DPP6: variants seen among roughly 807,000 people sequenced by gnomAD.
DPP6 encodes the protein dipeptidyl peptidase like 6, also known as A-type potassium channel modulatory protein DPP6.
Under a neutral mutation model 122.6 loss-of-function variants are expected in DPP6, and 69 were observed. The ratio of observed to expected loss-of-function variants is 0.56; its 90% CI spans 0.46 to 0.69. The LOEUF (loss-of-function observed/expected upper bound fraction) is 0.69. DPP6 is among the 30% of genes least tolerant of loss of function. The pLI, the probability that DPP6 is intolerant of heterozygous loss-of-function variation, is 0.00. For synonymous variants in DPP6, 418 were observed against 433.1 expected, an observed-to-expected ratio of 0.97 and a Z score of 0.43; for missense variants, 928 against 1,116.9, an observed-to-expected ratio of 0.83 and a Z score of 2.41.
chr7:154,089,318 C>T (rs1299921592), intron 1 of DPP6, among the ~76,000 whole-genome samples: 1 of 146,962 alleles, frequency 6.8e-6, no homozygotes, highest in Non-Finnish European at 1.5e-5. Flanking sequence ...CAATTATTGC[C>T]AATGCTAGGG....
chr7:154,409,602 G>T (rs141551888), intron 1 of DPP6, among the ~76,000 whole-genome samples: 1 of 152,152 alleles, frequency 6.6e-6, no homozygotes, highest in East Asian at 1.9e-4. Flanking sequence ...CTCTCATGTT[G>T]GTTCCTCTGT....
chr7:154,325,220 A>AC (rs1254301895), intron 1 of DPP6, among the ~76,000 whole-genome samples: 1 of 151,682 alleles, frequency 6.6e-6, no homozygotes, highest in African/African-American at 2.4e-5. Context: ...AGGTGCCCAG[A>AC]CCCCCAATGG....
the DPP6 span, among the ~76,000 whole-genome samples, chr7:153,752,040 C>A: frequency 6.6e-6 from 1 of 152,114 alleles, no homozygotes; most frequent in African/African-American, 2.4e-5. Context: ...TGCTTAACCT[C>A]CATGCCTAAG....
chr7:153,911,429 C>T (rs1800088625), intron 1 of DPP6, among the ~76,000 whole-genome samples: 1 of 152,188 alleles, frequency 6.6e-6, no homozygotes, highest in Admixed American at 6.5e-5. Context: ...GTAGGCTTCA[C>T]TCTCAGGGAT....
Position 154,095,686 on chromosome 7 carries a change from G to A in DPP6, c.243+42623G>A, listed in dbSNP as rs1369130541. ...AAGAAGTCTTCACAAGGTCTTTTCC[G>A]GTGTTCTGCTTTTTCCTGGGAGGCG... is the stretch of plus-strand genomic sequence containing the variant. On this transcript the variant is annotated intron_variant, in intron 1 of 25. Transcript: ENST00000377770. The A allele has an allele frequency of 5.3e-5, 6 of 113,108 alleles. 1 individual carries two copies. Among genetic ancestry groups the A allele is most frequent in the Non-Finnish European group, 1.2e-4 (6 of 51,780 alleles). The allele number at this position is 113,108 out of a possible 1,614,324, so 7.0% of individuals were successfully genotyped here. A position where few individuals can be genotyped will look rare whatever the true frequency, so the allele number is the denominator to read the frequency against.
At chr7:154,751,837 G>A (rs577162457) in intron 8 of DPP6, among the ~76,000 whole-genome samples, 10 of 152,160 alleles carry the variant, frequency 6.6e-5, no homozygotes, top group South Asian at 2.1e-4. Context: ...CTGCATGGCC[G>A]GTGGGGGGTC....
chr7:154,871,549 A>T (rs1168169446), intron 18 of DPP6, among the ~76,000 whole-genome samples: 1 of 152,224 alleles, frequency 6.6e-6, no homozygotes, highest in Non-Finnish European at 1.5e-5. Context: ...GTTTTCAGCC[A>T]GTCAGAACAT....
At chr7:154,785,428 C>T (rs963914780) in intron 10 of DPP6, among the ~76,000 whole-genome samples, 1 of 152,196 alleles carries the variant, frequency 6.6e-6, no homozygotes, top group Non-Finnish European at 1.5e-5. Context: ...ATTCGGAACA[C>T]TTACCTTCCT....
the DPP6 span, among the ~76,000 whole-genome samples, chr7:153,761,653 A>C: frequency 6.6e-6 from 1 of 152,196 alleles, no homozygotes; most frequent in Admixed American, 6.5e-5. Flanking sequence ...AAAGCTAATA[A>C]AATCAAGAAA....
intron 1 of DPP6, among the ~76,000 whole-genome samples, chr7:154,055,067 A>C (rs1055781485): frequency 1.3e-5 from 2 of 148,148 alleles, no homozygotes; most frequent in African/African-American, 2.5e-5. Flanking sequence ...AGCATCTCTA[A>C]CTTAGATGTA....
chr7:153,801,511 C>G, the DPP6 span, among the ~76,000 whole-genome samples: 1 of 152,094 alleles, frequency 6.6e-6, no homozygotes, highest in Non-Finnish European at 1.5e-5. Context: ...CAGCTGTGCA[C>G]TGCACAAGAG....
chr7:154,880,037 T>C (rs528181753), intron 20 of DPP6, among the ~76,000 whole-genome samples: 1 of 152,386 alleles, frequency 6.6e-6, no homozygotes, highest in South Asian at 2.1e-4. Context: ...TTTTCTCCTC[T>C]TTACTAGAAA....
At chr7:154,438,013 G>C (rs1477830000) in intron 1 of DPP6, among the ~76,000 whole-genome samples, 2 of 152,042 alleles carry the variant, frequency 1.3e-5, no homozygotes, top group Non-Finnish European at 2.9e-5. Flanking sequence ...CCTAGTCTTC[G>C]AGTGTAAGTG....
intron 8 of DPP6, among the ~76,000 whole-genome samples, chr7:154,764,093 CAG>C (rs1795748091): frequency 6.6e-6 from 1 of 152,178 alleles, no homozygotes; most frequent in Admixed American, 6.5e-5. Flanking sequence ...CATTTGGAAG[CAG>C]AGTCTCTCTT....
At position 154,125,520 on chromosome 7, in the gene DPP6, G is replaced by A. The variant is rs1314166126; in HGVS notation, c.243+72457G>A. Among the ~76,000 whole-genome samples, 4 of 152,278 alleles carry A rather than the reference G, an allele frequency of 2.6e-5. No homozygotes were observed. The East Asian group carries it at 7.7e-4, about 29-fold the overall frequency. The stretch of plus-strand genomic sequence containing the variant: ...GCACCTGAGTGTGAACGCATCAAAC[G>A]CTTCCAGGCCTGGCAGTCAATCCAT... On this transcript the variant is annotated intron_variant, in intron 1 of 25. Coordinates refer to ENST00000377770, the MANE Select transcript of DPP6 (RefSeq NM_130797.4).
chr7:154,666,596 A>T (rs1057353912), intron 6 of DPP6, among the ~76,000 whole-genome samples: 5 of 151,972 alleles, frequency 3.3e-5, no homozygotes, highest in Non-Finnish European at 7.4e-5. Context: ...AGATCTCAAA[A>T]ACTTATTCCT....
chr7:154,026,794 A>T (rs1412544486), intron 1 of DPP6: 2 of 152,176 alleles, frequency 1.3e-5, no homozygotes, highest in Non-Finnish European at 2.9e-5. Context: ...CTTATTATAA[A>T]CTTTGCCTCC....
intron 6 of DPP6, among the ~76,000 whole-genome samples, chr7:154,665,817 C>T (rs1838113957): frequency 6.6e-6 from 1 of 152,074 alleles, no homozygotes; most frequent in Admixed American, 6.5e-5. Flanking sequence ...TTTCAAACTT[C>T]ACAGTTTATT....
intron 21 of DPP6, chr7:154,884,892 TATC>T (rs1310407639): frequency 6.6e-6 from 1 of 152,172 alleles, no homozygotes; most frequent in African/African-American, 2.4e-5. Flanking sequence ...TATACACACA[TATC>T]ACACACACAC....
Sources: allele counts gnomAD v4.1 joint callset (sites outside exome capture counted in the v4.1 genomes callset), GRCh38; gene constraint gnomAD v4.1.1; transcripts MANE v1.5; gene names NCBI Gene and HGNC (gene_info 2026-07-23, HGNC 2026-07-21).